TAF1: variants seen among roughly 807,000 people sequenced by gnomAD.
TAF1 encodes transcription initiation factor TFIID subunit 1.
Under a neutral mutation model 138.5 loss-of-function variants are expected in TAF1, and 2 were observed. The ratio of observed to expected loss-of-function variants is 0.01; its 90% CI spans 0.01 to 0.05. The LOEUF is 0.05. Among genes scored for constraint, TAF1 ranks in the 10% least tolerant of loss-of-function variants. The pLI is 1.00. For missense variants in TAF1, 709 were observed against 1,478.0 expected (o/e 0.48, Z 8.53); for synonymous variants, 437 against 503.2 (o/e 0.87, Z 1.76).
At position 71,504,475 on chromosome X, in the gene TAF1, A is replaced by G. The variant is rs142259698; in HGVS notation, c.1367-24067A>G. On this transcript the variant is annotated intron_variant and NMD_transcript_variant, in intron 13 of 14. Transcript: ENST00000373775. ...AAAAGAAAACATTCTGCAGGGGCCCAGGAAGAGTTCCCCAATGTCAGGAGC... is the reference window on the plus strand; with the variant it reads ...AAAAGAAAACATTCTGCAGGGGCCCGGGAAGAGTTCCCCAATGTCAGGAGC... Among the ~76,000 whole-genome samples, 473 of 109,980 alleles carry G rather than the reference A, an allele frequency of 4.3e-3. 5 individuals are homozygous for G. The highest frequency in any genetic ancestry group is 0.015 in the African/African-American group (440 of 30,242).
chrX:71,413,616 C>G (rs921530916), intron 28 of TAF1, among the ~76,000 whole-genome samples: 3 of 111,447 alleles, frequency 2.7e-5, no homozygotes, highest in African/African-American at 9.8e-5. Context: ...TATCTGTTAA[C>G]ATCACTATCT....
At chrX:71,438,627 T>C (rs1045035835) in intron 32 of TAF1, among the ~76,000 whole-genome samples, 5 of 112,045 alleles carry the variant, frequency 4.5e-5, no homozygotes, top group African/African-American at 1.6e-4. Context: ...TCTGTCCTTA[T>C]CTTGACCTCA....
At chrX:71,367,436 G>T (rs1321381197) in intron 1 of TAF1, 63 bp from the exon 2 acceptor site, 5 of 1,143,675 alleles carry the variant, frequency 4.4e-6, no homozygotes, top group Non-Finnish European at 4.8e-6. Flanking sequence ...AGGGAAATAA[G>T]TCCTGTGGTG....
intron 8 of TAF1, among the ~76,000 whole-genome samples, chrX:71,379,459 A>C (rs762804176): frequency 1.3e-4 from 14 of 108,819 alleles, no homozygotes; most frequent in African/African-American, 1.7e-4. Context: ...AATTTTTAGG[A>C]TCTGAGGCCT....
chrX:71,516,057 TATTA>T (rs1260615651), intron 13 of TAF1, among the ~76,000 whole-genome samples: 1 of 109,017 alleles, frequency 9.2e-6, no homozygotes, highest in African/African-American at 3.3e-5. Flanking sequence ...AATTTATTTT[TATTA>T]ATTATTATTA....
At chrX:71,468,199 G>A (rs2038805144), downstream of TAF1, among the ~76,000 whole-genome samples, 1 of 109,264 alleles carries the variant, frequency 9.2e-6, no homozygotes, top group South Asian at 4.0e-4. Flanking sequence ...CGAGGCTGCA[G>A]TGAGCCATGA....
chrX:71,417,870 T>G (rs1424149912), intron 28 of TAF1, among the ~76,000 whole-genome samples: 1 of 111,682 alleles, frequency 9.0e-6, no homozygotes, highest in East Asian at 2.8e-4. Context: ...TAATACTCTA[T>G]TTTTAAAAAA....
chrX:71,425,707 G>A (rs977942665), intron 32 of TAF1, among the ~76,000 whole-genome samples: 1 of 111,272 alleles, frequency 9.0e-6, no homozygotes, highest in African/African-American at 3.3e-5. Flanking sequence ...AGTATGTGCA[G>A]ATTGCATCAG....
Position 71,378,911 on chromosome X carries a change from G to A in TAF1, c.1240G>A (p.Asp414Asn). ...GGTGACACAGCTGCATTGGGAGGAT[G>A]ATATCATCTGGGATGGGGAGGATGT... ...LMVTQLHWED[D>N]IIWDGEDVKH... is the part of the protein sequence containing the mutation. The change falls in exon 8 of 38, where the codon GAT becomes AAT. Residue 414 changes from aspartate to asparagine, a missense_variant. This residue lies in a region of TAF1 where 201 missense variants were observed against 421.3 expected (regional missense o/e 0.48). Transcript: ENST00000423759. 8.3e-7 allele frequency: 1 copy of A among 1,211,147 alleles called. No homozygotes were observed. The highest frequency in any genetic ancestry group is 1.8e-5 in the South Asian group (1 of 56,973).
At chrX:71,399,692 C>T (rs759310573) in intron 24 of TAF1, among the ~76,000 whole-genome samples, 1 of 108,402 alleles carries the variant, frequency 9.2e-6, no homozygotes, top group Non-Finnish European at 1.9e-5. Context: ...GCGCCTCAGC[C>T]TCCCAAGTAG....
At position 71,392,682 on chromosome X, in the gene TAF1, C is replaced by G; in HGVS notation, c.2895C>G (p.Ser965=). Residue 965 remains serine, a synonymous_variant, in exon 19 of 38, where the codon TCC becomes TCG. Coordinates refer to ENST00000423759, the MANE Select transcript of TAF1 (RefSeq NM_004606.5). ...CCACGGGGTGTGGTGAAGGATTCTC[C>G]TATGTGAAGATTCCAAACAAACCAA... ...ADPTGCGEGF[S]YVKIPNKPTQ... is the part of the protein sequence containing the mutation. 1.7e-6 allele frequency: 2 copies of G among 1,205,806 alleles called. No individual in the cohort carries two copies. The highest frequency in any genetic ancestry group is 3.5e-5 in the African/African-American group (2 of 57,524).
chrX:71,488,337 G>A (rs1268921523), intron 13 of TAF1, among the ~76,000 whole-genome samples: 1 of 101,409 alleles, frequency 9.9e-6, no homozygotes, highest in Non-Finnish European at 2.0e-5. Flanking sequence ...TCCACCTCCC[G>A]GGTTCAAGCG....
intron 32 of TAF1, among the ~76,000 whole-genome samples, chrX:71,452,099 C>T (rs1475321419): frequency 3.4e-5 from 3 of 88,264 alleles, no homozygotes; most frequent in Non-Finnish European, 4.5e-5. Context: ...GCTGGCCGGG[C>T]GGGGGGCTGA....
intron 32 of TAF1, among the ~76,000 whole-genome samples, chrX:71,451,357 T>C (rs1569361991): frequency 1.8e-5 from 2 of 112,338 alleles, no homozygotes; most frequent in African/African-American, 3.2e-5. Context: ...GAAATAAATG[T>C]AAAAGAGTGT....
intron 8 of TAF1, 24 bp from the exon 9 acceptor site, chrX:71,381,719 A>G: frequency 4.2e-6 from 5 of 1,201,228 alleles, no homozygotes; most frequent in East Asian, 6.0e-5. Context: ...CTCTGTTACT[A>G]TTTCCTCCTT....
At chrX:71,368,426 C>G (rs2032735810) in intron 3 of TAF1, among the ~76,000 whole-genome samples, 1 of 111,632 alleles carries the variant, frequency 9.0e-6, no homozygotes, top group Non-Finnish European at 1.9e-5. Context: ...TGACAAGTAG[C>G]TTTCTTGTCA....
intron 13 of TAF1, among the ~76,000 whole-genome samples, chrX:71,487,017 T>C (rs1395925551): frequency 9.1e-6 from 1 of 109,912 alleles, no homozygotes; most frequent in Non-Finnish European, 1.9e-5. Flanking sequence ...GGTATAATTT[T>C]CTTCATAATT....
chrX:71,412,591 G>T (rs888468202), intron 28 of TAF1, among the ~76,000 whole-genome samples: 124 of 110,939 alleles, frequency 1.1e-3, no homozygotes, highest in African/African-American at 3.8e-3. Context: ...GACATTTGGG[G>T]TTTTTTTTGT....
At chrX:71,525,286 C>T (rs946096122) in intron 13 of TAF1, among the ~76,000 whole-genome samples, 4 of 111,913 alleles carry the variant, frequency 3.6e-5, no homozygotes, top group African/African-American at 1.3e-4. Flanking sequence ...AGGTGACCCG[C>T]CTGCCTCGGC....
Sources: gnomAD v4.1 joint callset for allele counts (sites outside exome capture counted in the v4.1 genomes callset) on GRCh38, gnomAD v4.1.1 for gene constraint, gnomAD v4.1.1 regional missense constraint, MANE v1.5 for transcripts, NCBI Gene and HGNC (gene_info 2026-07-23, HGNC 2026-07-21) for gene names.